The following ARHGAP31 variants were observed in gnomAD, a reference collection of about 807,000 sequenced individuals.
ARHGAP31 encodes Rho GTPase activating protein 31.
Under a neutral mutation model 113.9 loss-of-function variants are expected in ARHGAP31, and 34 were observed. The ratio of observed to expected loss-of-function variants is 0.30; its 90% CI spans 0.23 to 0.40. The LOEUF is 0.40. Among genes scored for constraint, ARHGAP31 ranks in the 10% least tolerant of loss-of-function variants. The probability of loss-of-function intolerance (pLI) is 1.00; values close to 1 mark genes in which losing one functional copy is unlikely to be tolerated. For synonymous variants in ARHGAP31, 650 were observed against 684.8 expected, an observed-to-expected ratio of 0.95 and a Z score of 0.79; for missense variants, 1,548 against 1,767.1, an observed-to-expected ratio of 0.88 and a Z score of 2.22.
intron 1 of ARHGAP31, among the ~76,000 whole-genome samples, chr3:119,308,372 G>C (rs1447060370): frequency 6.6e-6 from 1 of 152,192 alleles, no homozygotes; most frequent in East Asian, 1.9e-4. Flanking sequence ...TGTCACTAAA[G>C]TCAAGGTGCA....
intron 1 of ARHGAP31, among the ~76,000 whole-genome samples, chr3:119,301,369 C>A (rs1576983274): frequency 6.6e-6 from 1 of 152,218 alleles, no homozygotes; most frequent in Non-Finnish European, 1.5e-5. Flanking sequence ...GAGCTGAAGG[C>A]CTGCTCTTGT....
intron 10 of ARHGAP31, among the ~76,000 whole-genome samples, chr3:119,403,973 T>C (rs12494314): frequency 0.16 from 23,918 of 152,128 alleles, 2,018 homozygotes; most frequent in East Asian, 0.35. Context: ...TGTCCATAGT[T>C]TGGCTCACAG....
chr3:119,312,985 CAT>C (rs1209125275), intron 1 of ARHGAP31, among the ~76,000 whole-genome samples: 1 of 152,206 alleles, frequency 6.6e-6, no homozygotes, highest in Non-Finnish European at 1.5e-5. Flanking sequence ...AAAGTTATAT[CAT>C]ACACATGTTC....
At chr3:119,299,410 A>G (rs1417368888) in intron 1 of ARHGAP31, among the ~76,000 whole-genome samples, 1 of 152,226 alleles carries the variant, frequency 6.6e-6, no homozygotes, top group Non-Finnish European at 1.5e-5. Context: ...ACATATATAT[A>G]TGACATATCT....
At chr3:119,332,635 TCACACACACACACACACACACA>T (rs71156743) in intron 1 of ARHGAP31, among the ~76,000 whole-genome samples, 1 of 85,664 alleles carries the variant, frequency 1.2e-5, no homozygotes, top group African/African-American at 5.4e-5. Context: ...TCTCTCTCTC[TCACACACACACACACACACACA>T]CACACACACA....
chr3:119,413,796 G>A (rs1264370496), intron 11 of ARHGAP31, 60 bp from the exon 12 acceptor site: 22 of 1,612,742 alleles, frequency 1.4e-5, no homozygotes, highest in South Asian at 2.2e-5. Context: ...CACTGGAAAC[G>A]CTGATGTCAG....
intron 1 of ARHGAP31, among the ~76,000 whole-genome samples, chr3:119,330,943 G>A (rs1305973206): frequency 6.6e-6 from 1 of 152,204 alleles, no homozygotes; most frequent in Non-Finnish European, 1.5e-5. Context: ...GCTTCACCAG[G>A]TTGCTTTCAA....
chr3:119,318,926 A>AT (rs948880006), intron 1 of ARHGAP31, among the ~76,000 whole-genome samples: 38 of 150,996 alleles, frequency 2.5e-4, no homozygotes, highest in Admixed American at 6.6e-4. Context: ...CAACCTGCCC[A>AT]TTTTTTTTTA....
intron 1 of ARHGAP31, chr3:119,329,781 A>G (rs2079875310): frequency 1.0e-6 from 1 of 984,866 alleles, no homozygotes; most frequent in Non-Finnish European, 1.2e-6. Flanking sequence ...GTGCCCAGTG[A>G]AAGGACAGAC....
chr3:119,395,068 G>A (rs2080537961), intron 8 of ARHGAP31, among the ~76,000 whole-genome samples: 1 of 152,130 alleles, frequency 6.6e-6, no homozygotes, highest in Admixed American at 6.5e-5. Context: ...TCAAAACTAA[G>A]GTGGTAAGTT....
At chr3:119,356,616 G>A (rs960259083) in intron 1 of ARHGAP31, among the ~76,000 whole-genome samples, 2 of 149,452 alleles carry the variant, frequency 1.3e-5, no homozygotes, top group Admixed American at 1.3e-4. Flanking sequence ...GGGTGACAGA[G>A]TAAGACTCTG....
chr3:119,356,652 GA>G (rs1427276301), intron 1 of ARHGAP31, among the ~76,000 whole-genome samples: 1 of 151,052 alleles, frequency 6.6e-6, no homozygotes, highest in African/African-American at 2.4e-5. Flanking sequence ...GAAAAAAAAA[GA>G]AAAAACAACC....
At chr3:119,299,336 C>T (rs1290590340) in intron 1 of ARHGAP31, among the ~76,000 whole-genome samples, 1 of 152,212 alleles carries the variant, frequency 6.6e-6, no homozygotes, top group Non-Finnish European at 1.5e-5. Context: ...TGGTAAGAAC[C>T]GTCAGCCTTT....
Position 119,378,743 on chromosome 3 carries a change from G to A in ARHGAP31, c.349-2161G>A, listed in dbSNP as rs143930332. ...AGCTCCCCATTGTGAGGTTCTCACC[G>A]CCTTGCAGAGCCAGGGTCCTCTCCA... On this transcript the variant is annotated intron_variant, in intron 3 of 11. Transcript: ENST00000264245. Among the ~76,000 whole-genome samples, 365 of 152,244 alleles carry A rather than the reference G, an allele frequency of 2.4e-3. 1 individual carries two copies. The highest frequency in any genetic ancestry group is 4.3e-3 in the Non-Finnish European group (294 of 68,010).
chr3:119,311,278 T>C (rs2079681808), intron 1 of ARHGAP31, among the ~76,000 whole-genome samples: 1 of 152,198 alleles, frequency 6.6e-6, no homozygotes, highest in African/African-American at 2.4e-5. Flanking sequence ...AGGGCTGGTT[T>C]GTTTCTGCAG....
At chr3:119,373,727 G>C (rs995217341) in intron 3 of ARHGAP31, among the ~76,000 whole-genome samples, 48 of 152,106 alleles carry the variant, frequency 3.2e-4, no homozygotes, top group Admixed American at 6.5e-5. Context: ...GCCTCCCAAA[G>C]TGCTGGGATT....
chr3:119,305,618 A>G (rs2079625455), intron 1 of ARHGAP31, among the ~76,000 whole-genome samples: 1 of 152,204 alleles, frequency 6.6e-6, no homozygotes, highest in Admixed American at 6.5e-5. Flanking sequence ...AACAAGTTTT[A>G]GCTATTTAAG....
At chr3:119,382,176 C>T in intron 4 of ARHGAP31, 116 bp from the exon 5 acceptor site, 1 of 1,052,356 alleles carries the variant, frequency 9.5e-7, no homozygotes, top group Non-Finnish European at 1.5e-6. Flanking sequence ...AATGTCAATT[C>T]ATTAAAATAG....
At chr3:119,335,038 C>T (rs1435057824) in intron 1 of ARHGAP31, among the ~76,000 whole-genome samples, 1 of 151,846 alleles carries the variant, frequency 6.6e-6, no homozygotes, top group Non-Finnish European at 1.5e-5. Flanking sequence ...TAGAAGAACA[C>T]TTGTATGTTG....
Sources: allele counts gnomAD v4.1 joint callset (sites outside exome capture counted in the v4.1 genomes callset), GRCh38; gene constraint gnomAD v4.1.1; transcripts MANE v1.5; gene names NCBI Gene and HGNC (gene_info 2026-07-23, HGNC 2026-07-21).